The following NMNAT2 variants were observed in gnomAD, a reference collection of about 807,000 sequenced individuals.
The protein encoded by NMNAT2 is nicotinamide nucleotide adenylyltransferase 2.
Under a neutral mutation model 41.6 loss-of-function variants are expected in NMNAT2, and 11 were observed. That is an observed-to-expected ratio of 0.26 (90% CI 0.17 to 0.44). The LOEUF (loss-of-function observed/expected upper bound fraction) is 0.44, where lower values mean the gene tolerates loss of function less well. Ranked by LOEUF, NMNAT2 falls within the 20% of genes least tolerant of loss-of-function variation. The pLI is 1.00. For missense variants in NMNAT2, 288 were observed against 407.7 expected (o/e 0.71, Z 2.53); for synonymous variants, 148 against 151.2 (o/e 0.98, Z 0.16).
intron 1 of NMNAT2, among the ~76,000 whole-genome samples, chr1:183,329,237 T>C (rs1387860610): frequency 6.6e-6 from 1 of 151,596 alleles, no homozygotes; most frequent in African/African-American, 2.4e-5. Flanking sequence ...CCATTTTAAT[T>C]GTGTGTGTGT....
At chr1:183,408,870 T>A (rs189132150) in intron 1 of NMNAT2, among the ~76,000 whole-genome samples, 88 of 152,344 alleles carry the variant, frequency 5.8e-4, no homozygotes, top group Admixed American at 2.8e-3. Context: ...ATGTCTCTTT[T>A]TTTAAAAAAA....
At chr1:183,304,716 TTCC>T in intron 1 of NMNAT2, 3 of 1,614,068 alleles carry the variant, frequency 1.9e-6, no homozygotes, top group Non-Finnish European at 2.5e-6. Flanking sequence ...AGGCCTGAAT[TTCC>T]TCTAGTTCCT....
At chr1:183,404,746 C>T (rs1648907704) in intron 1 of NMNAT2, among the ~76,000 whole-genome samples, 1 of 152,154 alleles carries the variant, frequency 6.6e-6, no homozygotes, top group South Asian at 2.1e-4. Flanking sequence ...AATTGCCACC[C>T]CCGCTGTTGG....
At chr1:183,382,745 T>C (rs1053571890) in intron 1 of NMNAT2, among the ~76,000 whole-genome samples, 2 of 152,182 alleles carry the variant, frequency 1.3e-5, no homozygotes, top group Non-Finnish European at 2.9e-5. Flanking sequence ...ATGTCTCATA[T>C]CCAGCCCACC....
chr1:183,256,452 C>T (rs982685623), intron 10 of NMNAT2, among the ~76,000 whole-genome samples: 1 of 151,950 alleles, frequency 6.6e-6, no homozygotes. Context: ...AAATGGCCTT[C>T]GTTATGTTGA....
At chr1:183,394,125 T>C (rs556969070) in intron 1 of NMNAT2, among the ~76,000 whole-genome samples, 25 of 152,336 alleles carry the variant, frequency 1.6e-4, no homozygotes, top group Admixed American at 9.8e-4. Context: ...TAATAACTTA[T>C]TAACATGTTA....
chr1:183,351,145 G>T (rs1663038905), intron 1 of NMNAT2, among the ~76,000 whole-genome samples: 1 of 152,152 alleles, frequency 6.6e-6, no homozygotes, highest in South Asian at 2.1e-4. Flanking sequence ...ATCTGTTACT[G>T]ATTTCATGTA....
At chr1:183,326,520 G>T (rs773713969) in intron 1 of NMNAT2, among the ~76,000 whole-genome samples, 2 of 152,092 alleles carry the variant, frequency 1.3e-5, no homozygotes, top group African/African-American at 2.4e-5. Context: ...TAGAAGCTTA[G>T]CTTTCCATAT....
rs1044602426 is a variant in NMNAT2 at position 183,249,089 on chromosome 1, C to T, written c.*3552G>A. ...CTTTCTGAGAAGCTGGAGCTTGAAA[C>T]TAGAGAACATTGTTGAAAGGCTGGC... is the stretch of plus-strand genomic sequence containing the variant. On this transcript the variant is annotated 3_prime_UTR_variant, in exon 11 of 11. Transcript: ENST00000287713. 1.3e-5 allele frequency: 2 copies of T among 152,172 alleles called. No homozygotes were observed. Among genetic ancestry groups the T allele is most frequent in the Non-Finnish European group, 2.9e-5 (2 of 68,032 alleles). 9.4% of individuals were successfully genotyped at this position (152,172 alleles called of 1,614,324 possible).
At chr1:183,332,703 C>G (rs1160881825) in intron 1 of NMNAT2, among the ~76,000 whole-genome samples, 1 of 151,692 alleles carries the variant, frequency 6.6e-6, no homozygotes, top group African/African-American at 2.4e-5. Flanking sequence ...GCTAGCCAAG[C>G]CCAGGAGGGC....
At chr1:183,370,951 C>A (rs1358693926) in intron 1 of NMNAT2, among the ~76,000 whole-genome samples, 2 of 152,134 alleles carry the variant, frequency 1.3e-5, no homozygotes, top group Non-Finnish European at 1.5e-5. Context: ...ACATGTTGAA[C>A]CAATGAGTGA....
chr1:183,318,406 G>A (rs975625222), intron 1 of NMNAT2, among the ~76,000 whole-genome samples: 5 of 152,204 alleles, frequency 3.3e-5, no homozygotes, highest in Admixed American at 1.3e-4. Context: ...TGGCCCACAG[G>A]TGGGGAGGAA....
intron 1 of NMNAT2, among the ~76,000 whole-genome samples, chr1:183,314,853 T>C (rs375532732): frequency 6.6e-6 from 1 of 152,214 alleles, no homozygotes; most frequent in African/African-American, 2.4e-5. Flanking sequence ...CACTCAGGCC[T>C]GGGCAACAAA....
intron 8 of NMNAT2, among the ~76,000 whole-genome samples, chr1:183,276,754 T>G (rs1028643214): frequency 1.3e-5 from 2 of 152,274 alleles, no homozygotes; most frequent in Non-Finnish European, 2.9e-5. Flanking sequence ...AGAGCTTTGA[T>G]GAGCTCTTGT....
At chr1:183,407,447 C>T (rs939478126) in intron 1 of NMNAT2, among the ~76,000 whole-genome samples, 14 of 151,182 alleles carry the variant, frequency 9.3e-5, no homozygotes, top group African/African-American at 3.4e-4. Flanking sequence ...AAATGCTTGT[C>T]TTTTTTTTTC....
intron 1 of NMNAT2, among the ~76,000 whole-genome samples, chr1:183,329,980 C>T (rs1337168855): frequency 3.3e-5 from 5 of 152,208 alleles, no homozygotes; most frequent in Admixed American, 6.5e-5. Flanking sequence ...ATCACAACTC[C>T]TCTTCCCCGC....
At chr1:183,296,146 G>A (rs564404073) in intron 1 of NMNAT2, among the ~76,000 whole-genome samples, 76 of 152,016 alleles carry the variant, frequency 5.0e-4, no homozygotes, top group African/African-American at 1.7e-3. Context: ...CACCGCGCCC[G>A]GCCGGCAGCT....
chr1:183,286,175 G>C (rs890158184), intron 5 of NMNAT2, among the ~76,000 whole-genome samples: 1 of 152,048 alleles, frequency 6.6e-6, no homozygotes, highest in Non-Finnish European at 1.5e-5. Flanking sequence ...GGGCTCAAGA[G>C]ATCCTCCCAC....
Position 183,418,248 on chromosome 1 carries a change from G to A in NMNAT2, c.20C>T (p.Thr7Ile), listed in dbSNP as rs1168683859. 1 of 1,614,142 alleles carries A rather than the reference G, an allele frequency of 6.2e-7. No homozygotes were observed. The highest frequency in any genetic ancestry group is 8.5e-7 in the Non-Finnish European group (1 of 1,180,028). Residue 7 changes from threonine to isoleucine, a missense_variant, in exon 1 of 11, where the codon ACC becomes ATC. This residue lies in a region of NMNAT2 where 100 missense variants were observed against 168.5 expected (regional missense o/e 0.59). Transcript: ENST00000287713. ...GCCGCAGGCGAGCAAGATAACGTGGGTCTTGGTGGTCTCGGTCATGGTGCA... is the reference window on the plus strand; with the variant it reads ...GCCGCAGGCGAGCAAGATAACGTGGATCTTGGTGGTCTCGGTCATGGTGCA... MTETTK[T>I]HVILLACGSF... is the part of the protein sequence containing the mutation.
Sources: allele counts gnomAD v4.1 joint callset (sites outside exome capture counted in the v4.1 genomes callset), GRCh38; gene constraint gnomAD v4.1.1; regional missense constraint gnomAD v4.1.1; transcripts MANE v1.5; gene names NCBI Gene and HGNC (gene_info 2026-07-23, HGNC 2026-07-21).